ADCY10: variants seen among roughly 807,000 people sequenced by gnomAD.
ADCY10 encodes adenylate cyclase 10.
Under a neutral mutation model 183.3 loss-of-function variants are expected in ADCY10, and 156 were observed. The observed-to-expected ratio is 0.85, with a 90% confidence interval of 0.75 to 0.97. The LOEUF (loss-of-function observed/expected upper bound fraction) is 0.97, where lower values mean the gene tolerates loss of function less well. ADCY10 is among the 50% of genes least tolerant of loss of function. The pLI is 0.00. For missense variants in ADCY10, 1,745 were observed against 1,934.3 expected, an observed-to-expected ratio of 0.90 and a Z score of 1.84; for synonymous variants, 645 against 670.0, an observed-to-expected ratio of 0.96 and a Z score of 0.58.
chr1:167,831,096 C>T lies in ADCY10; in HGVS notation c.3594-1673G>A, dbSNP rs1444448952. On this transcript the variant is annotated intron_variant, in intron 25 of 32. Coordinates refer to ENST00000367851, the MANE Select transcript of ADCY10 (RefSeq NM_018417.6). ...GGACTTACTGAGGCTGTGTTACAGGCGTGTCCTCAACCTTGGCAAAATAAA... is the reference window on the plus strand; with the variant it reads ...GGACTTACTGAGGCTGTGTTACAGGTGTGTCCTCAACCTTGGCAAAATAAA... 2.6e-5 allele frequency among the ~76,000 whole-genome samples: 4 copies of T among 152,184 alleles called. No individual in the cohort carries two copies. The East Asian group carries it at 5.8e-4, about 22-fold the overall frequency.
rs148854862 is a variant in ADCY10 at position 167,860,334 on chromosome 1, T to C, written c.1810-441A>G. ...GGTCCCTTGCATGCACAGTTCACAA[T>C]AGGGTTCAGGCTCCTATGAGAATCT... On this transcript the variant is annotated intron_variant, in intron 15 of 32. Transcript: ENST00000367851. 6.4e-3 allele frequency among the ~76,000 whole-genome samples: 970 copies of C among 152,156 alleles called. 18 individuals carry two copies. Among genetic ancestry groups the C allele is most frequent in the African/African-American group, 0.023 (938 of 41,506 alleles).
Position 167,824,865 on chromosome 1 carries a change from C to T in ADCY10, c.3751-10G>A, listed in dbSNP as rs771218335. On this transcript the variant is annotated splice_polypyrimidine_tract_variant and intron_variant, in intron 26 of 32. Transcript: ENST00000367851. ...GGTAAGCCTTAATGATCTGAAATGG[C>T]AGAGTGGAGGAAGAGTGAGGCAGAA... 4 of 1,613,558 alleles carry T rather than the reference C, an allele frequency of 2.5e-6. No individual in the cohort carries two copies. In the East Asian group the frequency reaches 8.9e-5, roughly 36 times the overall value.
chr1:167,820,131 G>T, intron 30 of ADCY10: 2 of 1,554,666 alleles, frequency 1.3e-6, no homozygotes, highest in Admixed American at 2.0e-5. Context: ...CCATGACTCA[G>T]CTTTTTGGAT....
At chr1:167,876,958 G>C (rs1054710577) in intron 12 of ADCY10, among the ~76,000 whole-genome samples, 1 of 152,174 alleles carries the variant, frequency 6.6e-6, no homozygotes, top group African/African-American at 2.4e-5. Context: ...TATCCCAACT[G>C]AGGCCGCCAG....
chr1:167,834,138 G>T (rs1383429659), intron 23 of ADCY10, 61 bp from the exon 24 acceptor site: 2 of 1,287,514 alleles, frequency 1.6e-6, no homozygotes, highest in Non-Finnish European at 2.3e-6. Context: ...CCACAGAAGG[G>T]CCATTGCCCC....
chr1:167,825,191 G>GT (rs2101872536), intron 26 of ADCY10, among the ~76,000 whole-genome samples: 1 of 152,326 alleles, frequency 6.6e-6, no homozygotes, highest in Admixed American at 6.5e-5. Flanking sequence ...AGTGTAAACA[G>GT]TAGTTATATA....
At chr1:167,868,066 A>G (rs892442877) in intron 14 of ADCY10, among the ~76,000 whole-genome samples, 1 of 152,206 alleles carries the variant, frequency 6.6e-6, no homozygotes, top group Non-Finnish European at 1.5e-5. Context: ...TAAATACCTT[A>G]GTAAAAGAGG....
chr1:167,850,101 A>G (rs1441368235), intron 18 of ADCY10, among the ~76,000 whole-genome samples: 1 of 152,160 alleles, frequency 6.6e-6, no homozygotes, highest in African/African-American at 2.4e-5. Flanking sequence ...GGAAGGTACC[A>G]CTGGAAGCAG....
At chr1:167,858,412 C>A (rs549556569) in intron 16 of ADCY10, among the ~76,000 whole-genome samples, 1 of 145,932 alleles carries the variant, frequency 6.9e-6, no homozygotes, top group African/African-American at 2.5e-5. Context: ...GCAGGAGAAT[C>A]GCTTGAACCT....
intron 9 of ADCY10, among the ~76,000 whole-genome samples, chr1:167,881,757 GA>G (rs1667883088): frequency 6.6e-6 from 1 of 152,204 alleles, no homozygotes; most frequent in Non-Finnish European, 1.5e-5. Context: ...GAAGTTCAAT[GA>G]CTTGCTAAGT....
chr1:167,826,344 A>T (rs570454737), intron 26 of ADCY10, among the ~76,000 whole-genome samples: 1 of 152,316 alleles, frequency 6.6e-6, no homozygotes, highest in Non-Finnish European at 1.5e-5. Flanking sequence ...GAAAATATAA[A>T]GCTCCTTGTT....
In ADCY10 at chr1:167,893,922, G is replaced by T; in HGVS notation, c.759C>A (p.Cys253Ter). Residue 253 changes from cysteine (C) to a stop codon, truncating the protein, a stop_gained, in exon 8 of 33, where the codon TGC (cysteine) becomes TGA (stop). Transcript: ENST00000367851. LOFTEE classifies it high-confidence loss of function. ...CCAGTTCAGGATCAGGCTTCAGCGT[G>T]CATGCAAGCCTCAGGAGGTCTAAGA... ...GEHKNLLRLA[C>*]TLKPDPELEM... The T allele has an allele frequency of 6.2e-7, 1 of 1,613,304 alleles. No homozygotes were observed.
In ADCY10 at chr1:167,880,146, G is replaced by A. The variant is rs757261904; in HGVS notation, c.1185C>T (p.Ile395=). The A allele has an allele frequency of 3.7e-6, 6 of 1,613,314 alleles. No individual in the cohort carries two copies. The highest frequency in any genetic ancestry group is 1.3e-5 in the African/African-American group (1 of 75,030). ...GVASGIVFCG[I]VGHTVRHEYT... ...ACTCGTGTCTCACAGTGTGTCCAAC[G>A]ATCCCACAGAAGACAATCCCACTGG... is the stretch of plus-strand genomic sequence containing the variant. Residue 395 remains isoleucine, a synonymous_variant, in exon 11 of 33, where the codon ATC becomes ATT. Coordinates refer to ENST00000367851, the MANE Select transcript of ADCY10 (RefSeq NM_018417.6).
intron 22 of ADCY10, among the ~76,000 whole-genome samples, chr1:167,836,753 C>T (rs1335719525): frequency 2.0e-5 from 3 of 152,016 alleles, no homozygotes; most frequent in East Asian, 1.9e-4. Context: ...AGGCCGGGTG[C>T]GGTGGCTCAT....
intron 5 of ADCY10, among the ~76,000 whole-genome samples, chr1:167,900,109 C>T (rs1669289923): frequency 6.6e-6 from 1 of 152,140 alleles, no homozygotes; most frequent in Non-Finnish European, 1.5e-5. Context: ...TCTCTCATTG[C>T]TTTTAAGTTG....
chr1:167,870,511 G>C, intron 13 of ADCY10, 101 bp from the exon 14 acceptor site: 2 of 1,095,324 alleles, frequency 1.8e-6, no homozygotes, highest in South Asian at 2.7e-5. Context: ...AATATCCTTG[G>C]GCCAGGCGCT....
Position 167,833,065 on chromosome 1 carries a change from A to T in ADCY10, c.3515T>A (p.Leu1172Ter), listed in dbSNP as rs745741907. Reference protein sequence around the residue: ...NRIFPYNLISLFLHIHVEKNR... With the variant: ...NRIFPYNLIS ...TTTCTCGACATGGATATGGAGAAAC[A>T]AGGAGATTAAGTTGTAAGGAAAGAT... The change falls in exon 25 of 33, where the codon TTG becomes TAG. Residue 1172 changes from leucine to a stop codon, truncating the protein, a stop_gained. Transcript: ENST00000367851. LOFTEE classifies it high-confidence loss of function. 1 of 1,614,180 alleles carries T rather than the reference A, an allele frequency of 6.2e-7. No individual in the cohort carries two copies. The highest frequency in any genetic ancestry group is 1.1e-5 in the South Asian group (1 of 91,090).
chr1:167,840,260 A>T (rs1050791089), intron 21 of ADCY10, among the ~76,000 whole-genome samples: 1 of 152,000 alleles, frequency 6.6e-6, no homozygotes, highest in Admixed American at 6.6e-5. Flanking sequence ...TGGTGATAGA[A>T]TGGGATGCAA....
At chr1:167,820,796 G>T (rs1390123820) in intron 30 of ADCY10, 1 of 152,160 alleles carries the variant, frequency 6.6e-6, no homozygotes, top group South Asian at 2.1e-4. Context: ...TTAGCCAGGC[G>T]TGGTGGTATG....
Sources: gnomAD v4.1 joint callset for allele counts (sites outside exome capture counted in the v4.1 genomes callset) on GRCh38, gnomAD v4.1.1 for gene constraint, MANE v1.5 for transcripts, NCBI Gene and HGNC (gene_info 2026-07-23, HGNC 2026-07-21) for gene names.